The following ANKRD31 variants were observed in gnomAD, a reference collection of about 807,000 sequenced individuals.
ANKRD31 encodes the protein ankyrin repeat domain-containing protein 31.
A neutral mutation model predicts 186.0 loss-of-function variants in ANKRD31; 147 were observed. The ratio of observed to expected loss-of-function variants is 0.79; its 90% CI spans 0.69 to 0.91. The LOEUF is 0.91. Among genes scored for constraint, ANKRD31 ranks in the 40% least tolerant of loss-of-function variants. The pLI is 0.00. For synonymous variants in ANKRD31, 673 were observed against 736.4 expected (o/e 0.91, Z 1.39); for missense variants, 1,986 against 2,148.8 (o/e 0.92, Z 1.50).
chr5:75,089,558 G>A (rs900436827), intron 23 of ANKRD31, among the ~76,000 whole-genome samples: 2 of 152,188 alleles, frequency 1.3e-5, no homozygotes, highest in Admixed American at 1.3e-4. Flanking sequence ...AGAGGTTTCT[G>A]TGGTAAACTT....
intron 11 of ANKRD31, among the ~76,000 whole-genome samples, chr5:75,162,269 G>T (rs1221442844): frequency 1.3e-5 from 2 of 152,202 alleles, no homozygotes; most frequent in African/African-American, 2.4e-5. Context: ...AGCATGACCT[G>T]GATATGAGAC....
chr5:75,128,498 T>G (rs1749443564), intron 17 of ANKRD31, among the ~76,000 whole-genome samples: 1 of 67,070 alleles, frequency 1.5e-5, no homozygotes, highest in Admixed American at 1.3e-4. Flanking sequence ...TGGTTTCACT[T>G]TATTTTATTT....
chr5:75,136,442 T>G (rs2150126442), intron 17 of ANKRD31, among the ~76,000 whole-genome samples: 1 of 152,062 alleles, frequency 6.6e-6, no homozygotes, highest in Non-Finnish European at 1.5e-5. Context: ...ATCAGAGAAA[T>G]GAAAATCAAA....
intron 5 of ANKRD31, among the ~76,000 whole-genome samples, chr5:75,201,281 T>A (rs915725222): frequency 6.6e-6 from 1 of 152,214 alleles, no homozygotes; most frequent in Non-Finnish European, 1.5e-5. Context: ...CACAGCATGA[T>A]AAGCAAAAAG....
chr5:75,088,742 T>G (rs1231568129), intron 23 of ANKRD31, among the ~76,000 whole-genome samples: 1 of 152,230 alleles, frequency 6.6e-6, no homozygotes, highest in African/African-American at 2.4e-5. Flanking sequence ...ATCAGGTCAC[T>G]TAACTTCCCA....
chr5:75,089,235 G>A (rs1470518853), intron 23 of ANKRD31, among the ~76,000 whole-genome samples: 3 of 152,330 alleles, frequency 2.0e-5, no homozygotes, highest in African/African-American at 7.2e-5. Context: ...ACAGCTGGGA[G>A]GCTGCAGGAG....
In ANKRD31 at chr5:75,104,788, A is replaced by G. The variant is rs144625903; in HGVS notation, c.4771T>C (p.Ser1591Pro). ...SDCTLDGFPK[S>P]RHSDGTEKNK... ...TTCTCTGTGCCATCTGAATGTCTGG[A>G]TTTTGGAAAACCATCCAAGGTACAA... Residue 1591 changes from serine to proline, a missense_variant, in exon 22 of 26, where the codon TCC (serine) becomes CCC (proline). Coordinates refer to ENST00000506364, the MANE Select transcript of ANKRD31 (RefSeq NM_001372053.1). 1,627 of 1,537,210 alleles carry G rather than the reference A, an allele frequency of 1.1e-3. 14 individuals are homozygous for G. In the African/African-American group the frequency reaches 0.018, roughly 17 times the overall value.
intron 10 of ANKRD31, among the ~76,000 whole-genome samples, chr5:75,179,193 G>C (rs1018795943): frequency 6.6e-6 from 1 of 152,068 alleles, no homozygotes; most frequent in Non-Finnish European, 1.5e-5. Context: ...GGAAGAAGTT[G>C]AATCTCTGAA....
chr5:75,152,502 A>C (rs1751907099), intron 12 of ANKRD31, among the ~76,000 whole-genome samples: 1 of 152,164 alleles, frequency 6.6e-6, no homozygotes, highest in South Asian at 2.1e-4. Flanking sequence ...TAATATATAA[A>C]AGCCTTTGGG....
rs764437688 is a variant in ANKRD31, at chr5:75,091,345, A to C, written c.5388T>G (p.Gly1796=). The C allele has an allele frequency of 2.6e-6, 4 of 1,537,072 alleles. No homozygotes were observed. The highest frequency in any genetic ancestry group is 3.5e-6 in the Non-Finnish European group (4 of 1,146,830). The change falls in exon 23 of 26, where the codon GGT becomes GGG. Residue 1796 remains glycine, a synonymous_variant. Transcript: ENST00000506364. ...LLNGKLKVES[G]QIYKNPVTWL... is the part of the protein sequence containing the mutation. ...AGGTGACTGGGTTTTTATAAATCTGACCACTTTCTACCTTAAGTTTACCAT... is the reference window on the plus strand; with the variant it reads ...AGGTGACTGGGTTTTTATAAATCTGCCCACTTTCTACCTTAAGTTTACCAT...
chr5:75,104,655 G>A lies in ANKRD31; in HGVS notation c.4904C>T (p.Ser1635Phe). Residue 1635 changes from serine to phenylalanine, a missense_variant, in exon 22 of 26, where the codon TCT becomes TTT. Transcript: ENST00000506364. ...ATTTAATTTGCCGATTACTGGGGAAGAAACATAGAATTCATGGTCTTTGTC... is the reference window on the plus strand; with the variant it reads ...ATTTAATTTGCCGATTACTGGGGAAAAAACATAGAATTCATGGTCTTTGTC... ...ATDKDHEFYV[S>F]SPVIGKLNIS... is the part of the protein sequence containing the mutation. The A allele has an allele frequency of 6.5e-7, 1 of 1,535,996 alleles. No homozygotes were observed.
chr5:75,084,169 A>C (rs1229192410), intron 24 of ANKRD31, 103 bp downstream of exon 24: 5 of 840,986 alleles, frequency 5.9e-6, no homozygotes, highest in Non-Finnish European at 9.4e-6. Context: ...ATGATTGTTA[A>C]TTTCACATCA....
At chr5:75,219,092 C>T (rs1757136181) in intron 3 of ANKRD31, among the ~76,000 whole-genome samples, 1 of 152,134 alleles carries the variant, frequency 6.6e-6, no homozygotes, top group Non-Finnish European at 1.5e-5. Flanking sequence ...ATAAGGATGC[C>T]CTCTCTCACC....
intron 18 of ANKRD31, 91 bp downstream of exon 18, chr5:75,118,044 A>T: frequency 1.0e-6 from 1 of 998,908 alleles, no homozygotes; most frequent in Non-Finnish European, 1.3e-6. Flanking sequence ...CATCTATCCC[A>T]GTTATGAAAC....
At chr5:75,145,741 A>T (rs1429984047) in intron 14 of ANKRD31, among the ~76,000 whole-genome samples, 5 of 96,482 alleles carry the variant, frequency 5.2e-5, no homozygotes, top group East Asian at 3.0e-4. Context: ...TAATAATTAT[A>T]AAAAAAACTA....
At chr5:75,174,252 G>A (rs990938063) in intron 10 of ANKRD31, among the ~76,000 whole-genome samples, 6 of 152,226 alleles carry the variant, frequency 3.9e-5, no homozygotes, top group African/African-American at 1.4e-4. Flanking sequence ...AGACTTAAAT[G>A]TTAGACCTAA....
chr5:75,219,330 T>G (rs1757148680), intron 3 of ANKRD31, among the ~76,000 whole-genome samples: 1 of 152,116 alleles, frequency 6.6e-6, no homozygotes, highest in South Asian at 2.1e-4. Context: ...TCAGTAGCAT[T>G]CCTATACACC....
At chr5:75,177,743 T>C (rs967886263) in intron 10 of ANKRD31, among the ~76,000 whole-genome samples, 16 of 151,850 alleles carry the variant, frequency 1.1e-4, no homozygotes, top group South Asian at 2.1e-4. Flanking sequence ...GCACTAAACA[T>C]GGAAAGGAAC....
chr5:75,104,047 A>G (rs1411237276), intron 22 of ANKRD31, among the ~76,000 whole-genome samples, 181 bp downstream of exon 22: 1 of 152,214 alleles, frequency 6.6e-6, no homozygotes, highest in Non-Finnish European at 1.5e-5. Context: ...TAAATGTATC[A>G]GGGCAATTCC....
Sources: gnomAD v4.1 joint callset for allele counts (sites outside exome capture counted in the v4.1 genomes callset) on GRCh38, gnomAD v4.1.1 for gene constraint, MANE v1.5 for transcripts, NCBI Gene and HGNC (gene_info 2026-07-23, HGNC 2026-07-21) for gene names.